The following ADAMTSL1 variants were observed in gnomAD, a reference collection of about 807,000 sequenced individuals.
The protein encoded by ADAMTSL1 is ADAMTS-like protein 1.
In ADAMTSL1, 126 loss-of-function variants were observed where a neutral mutation model predicts 201.8. The ratio of observed to expected loss-of-function variants is 0.62; its 90% CI spans 0.54 to 0.72. ADAMTSL1 has a LOEUF of 0.72. Ranked by LOEUF, ADAMTSL1 falls within the 30% of genes least tolerant of loss-of-function variation. The pLI is 0.00. For missense variants in ADAMTSL1, 2,679 were observed against 2,277.8 expected (o/e 1.18, Z -3.59); for synonymous variants, 1,121 against 903.4 (o/e 1.24, Z -4.32).
At chr9:18,154,285 T>A (rs1043311781) in intron 1 of ADAMTSL1, among the ~76,000 whole-genome samples, 27 of 152,176 alleles carry the variant, frequency 1.8e-4, no homozygotes, top group Admixed American at 1.5e-3. Flanking sequence ...TTATGTCCCA[T>A]AATTTATGGG....
intron 3 of ADAMTSL1, 85 bp from the exon 4 acceptor site, chr9:18,573,945 C>G: frequency 9.4e-7 from 1 of 1,069,172 alleles, no homozygotes; most frequent in Admixed American, 2.1e-5. Flanking sequence ...TTTCTAAGAC[C>G]TAAGCAGACC....
At chr9:18,210,969 TAA>T (rs572459107) in intron 2 of ADAMTSL1, among the ~76,000 whole-genome samples, 2 of 142,064 alleles carry the variant, frequency 1.4e-5, no homozygotes, top group Non-Finnish European at 1.5e-5. Context: ...TAAGTTCTAT[TAA>T]AAAAAAAAAG....
chr9:18,271,540 G>A (rs1294562133), intron 2 of ADAMTSL1, among the ~76,000 whole-genome samples: 1 of 152,148 alleles, frequency 6.6e-6, no homozygotes, highest in Admixed American at 6.5e-5. Context: ...ATTCCATGGT[G>A]TATATGTGCC....
chr9:18,120,397 C>G (rs1045638008), intron 1 of ADAMTSL1, among the ~76,000 whole-genome samples: 1 of 152,158 alleles, frequency 6.6e-6, no homozygotes, highest in African/African-American at 2.4e-5. Flanking sequence ...CACACCATTC[C>G]TGGTACAATA....
At chr9:18,332,236 G>A (rs918806553) in intron 2 of ADAMTSL1, among the ~76,000 whole-genome samples, 3 of 152,128 alleles carry the variant, frequency 2.0e-5, no homozygotes, top group Non-Finnish European at 4.4e-5. Flanking sequence ...TTACATAGAT[G>A]TAAACATACA....
chr9:18,113,662 G>A (rs531939819), intron 1 of ADAMTSL1, among the ~76,000 whole-genome samples: 3 of 152,256 alleles, frequency 2.0e-5, no homozygotes, highest in Admixed American at 6.5e-5. Flanking sequence ...GAGTGATTTT[G>A]TTGACACCAT....
chr9:18,598,810 T>C (rs1171916332), intron 4 of ADAMTSL1, among the ~76,000 whole-genome samples: 2 of 152,164 alleles, frequency 1.3e-5, no homozygotes. Context: ...TGAGTACCAG[T>C]TTAGTTTCTT....
chr9:18,204,722 C>T (rs1301188733), intron 2 of ADAMTSL1, among the ~76,000 whole-genome samples: 3 of 152,056 alleles, frequency 2.0e-5, no homozygotes, highest in African/African-American at 4.8e-5. Flanking sequence ...TGAGTTTAAC[C>T]AGAAATTTAC....
intron 1 of ADAMTSL1, among the ~76,000 whole-genome samples, chr9:18,027,371 A>G (rs1340631720): frequency 2.6e-5 from 4 of 151,774 alleles, no homozygotes; most frequent in Non-Finnish European, 5.9e-5. Flanking sequence ...TTTCATCTTA[A>G]TGCTGCTTTT....
intron 2 of ADAMTSL1, among the ~76,000 whole-genome samples, chr9:18,190,356 A>G (rs891226717): frequency 7.9e-5 from 12 of 152,202 alleles, no homozygotes; most frequent in Admixed American, 5.2e-4. Context: ...TGGAAAATCC[A>G]TCTAAGCTGA....
chr9:18,405,830 T>C (rs1259025002), intron 2 of ADAMTSL1, among the ~76,000 whole-genome samples: 2 of 152,208 alleles, frequency 1.3e-5, no homozygotes, highest in African/African-American at 4.8e-5. Context: ...TGGGTATTCT[T>C]CTTCACCTGA....
intron 2 of ADAMTSL1, among the ~76,000 whole-genome samples, chr9:18,333,918 C>T (rs919077384): frequency 6.6e-6 from 1 of 152,060 alleles, no homozygotes; most frequent in Non-Finnish European, 1.5e-5. Flanking sequence ...AGGATATATA[C>T]AGGGTCTGTC....
chr9:18,240,729 T>A (rs1320566080), intron 2 of ADAMTSL1, among the ~76,000 whole-genome samples: 1 of 152,230 alleles, frequency 6.6e-6, no homozygotes, highest in Non-Finnish European at 1.5e-5. Flanking sequence ...TATACGGCTG[T>A]TTCATCTACG....
chr9:17,941,293 G>C (rs969815720), intron 1 of ADAMTSL1, among the ~76,000 whole-genome samples: 5 of 152,004 alleles, frequency 3.3e-5, no homozygotes, highest in African/African-American at 4.8e-5. Context: ...TACCCAATGA[G>C]ATAAATTTGG....
chr9:18,706,260 T>C (rs1426468192), intron 13 of ADAMTSL1, among the ~76,000 whole-genome samples: 1 of 152,124 alleles, frequency 6.6e-6, no homozygotes, highest in Non-Finnish European at 1.5e-5. Context: ...GGTGGGAGTG[T>C]CTTTTAGTAT....
intron 14 of ADAMTSL1, among the ~76,000 whole-genome samples, chr9:18,721,320 A>G (rs1248683684): frequency 6.6e-6 from 1 of 152,170 alleles, no homozygotes; most frequent in Non-Finnish European, 1.5e-5. Context: ...CTCAAGGAGC[A>G]TGCTCACAGA....
At chr9:17,992,216 G>T (rs1352751278) in intron 1 of ADAMTSL1, among the ~76,000 whole-genome samples, 1 of 152,082 alleles carries the variant, frequency 6.6e-6, no homozygotes, top group Non-Finnish European at 1.5e-5. Flanking sequence ...GGAGAGGTTG[G>T]GGGTAGGGCA....
rs561894087 is a variant in ADAMTSL1 at position 18,126,253 on chromosome 9, G to A, written c.88-37609G>A. On this transcript the variant is annotated intron_variant, in intron 1 of 29. Coordinates refer to the ADAMTSL1 transcript ENST00000680146. ...TAAGTATAGTGAATCATAACACCGT[G>A]AACATGTTTGTGTACCCACCATCCA... Among the ~76,000 whole-genome samples the A allele has an allele frequency of 3.1e-4, 47 of 152,282 alleles. 1 individual carries two copies. In the South Asian group the frequency reaches 9.3e-3, roughly 30 times the overall value.
chr9:18,695,269 T>C (rs1160489701), intron 13 of ADAMTSL1, among the ~76,000 whole-genome samples: 1 of 152,252 alleles, frequency 6.6e-6, no homozygotes, highest in African/African-American at 2.4e-5. Flanking sequence ...TGTGAAGGTC[T>C]CTGAAATGCC....
Sources: gnomAD v4.1 joint callset for allele counts (sites outside exome capture counted in the v4.1 genomes callset) on GRCh38, gnomAD v4.1.1 for gene constraint, MANE v1.5 for transcripts, NCBI Gene and HGNC (gene_info 2026-07-23, HGNC 2026-07-21) for gene names.